The following CLEC1A variants were observed in gnomAD, a reference collection of about 807,000 sequenced individuals.
The protein encoded by CLEC1A is C-type lectin domain family 1 member A.
Under a neutral mutation model 28.7 loss-of-function variants are expected in CLEC1A, and 34 were observed. The ratio of observed to expected loss-of-function variants is 1.18; its 90% confidence interval spans 0.90 to 1.57. The LOEUF (loss-of-function observed/expected upper bound fraction) is 1.57, where lower values mean the gene tolerates loss of function less well. CLEC1A is among the 40% of genes most tolerant of loss of function. The pLI is 0.00. For missense variants in CLEC1A, 385 were observed against 339.5 expected, an observed-to-expected ratio of 1.13 and a Z score of -1.05; for synonymous variants, 116 against 121.0, an observed-to-expected ratio of 0.96 and a Z score of 0.27.
At chr12:10,071,641 G>A (rs898637218) in intron 5 of CLEC1A, 128 bp from the exon 6 acceptor site, 67 of 698,172 alleles carry the variant, frequency 9.6e-5, no homozygotes, top group Admixed American at 7.3e-4. Context: ...GGAAACTGGG[G>A]TCATGTGCCT....
intron 5 of CLEC1A, 23 bp downstream of exon 5, chr12:10,073,270 C>T: frequency 5.8e-6 from 9 of 1,540,532 alleles, no homozygotes; most frequent in Non-Finnish European, 8.1e-6. Flanking sequence ...ATGCCTTTCC[C>T]ATAAAATATC....
chr12:10,097,728 C>A (rs2137379727), intron 1 of CLEC1A, among the ~76,000 whole-genome samples: 1 of 152,232 alleles, frequency 6.6e-6, no homozygotes, highest in Admixed American at 6.5e-5. Context: ...AAGTTATATA[C>A]AAGCTACTCA....
At chr12:10,077,235 A>G (rs2137335775) in intron 3 of CLEC1A, among the ~76,000 whole-genome samples, 1 of 152,354 alleles carries the variant, frequency 6.6e-6, no homozygotes, top group African/African-American at 2.4e-5. Flanking sequence ...TCAACTACCT[A>G]ATATTTGATA....
intron 1 of CLEC1A, among the ~76,000 whole-genome samples, chr12:10,096,340 C>T (rs1947775669): frequency 6.6e-6 from 1 of 152,134 alleles, no homozygotes; most frequent in Non-Finnish European, 1.5e-5. Context: ...TCACATGTAA[C>T]CAATCACCGA....
Position 10,071,435 on chromosome 12 carries a change from C to A in CLEC1A, c.741G>T (p.Lys247Asn). 6.2e-7 allele frequency: 1 copy of A among 1,613,964 alleles called. No individual in the cohort carries two copies. The part of the protein sequence containing the change: ...VAILNGMIFS[K>N]DCKELKRCVC... The stretch of plus-strand genomic sequence containing the variant: ...CACAACGCTTCAATTCTTTGCAGTC[C>A]TTTGAGAAGATCATCCCATTAAGGA... The change falls in exon 6 of 6, where the codon AAG becomes AAT. Residue 247 changes from lysine (K) to asparagine (N), a missense_variant. Physicochemically the swap from Lys to Asn is moderately conservative, Grantham distance 94. Coordinates refer to ENST00000315330, the MANE Select transcript of CLEC1A (RefSeq NM_016511.4).
In CLEC1A at chr12:10,069,892, C is replaced by A. The variant is rs909146346; in HGVS notation, c.*1441G>T. 6.6e-5 allele frequency: 10 copies of A among 152,214 alleles called. No homozygotes were observed. The highest frequency in any genetic ancestry group is 1.3e-4 in the Non-Finnish European group (9 of 68,038). The allele number at this position is 152,214 out of a possible 1,614,324, so 9.4% of individuals were successfully genotyped here. ...GAAAATGAGCACCAATGTGTTCTTT[C>A]TATCATATGATTGCTACTATACGTC... is the stretch of plus-strand genomic sequence containing the variant. On this transcript the variant is annotated 3_prime_UTR_variant, in exon 6 of 6. Transcript: ENST00000315330.
At chr12:10,097,485 T>A (rs1461854387) in intron 1 of CLEC1A, among the ~76,000 whole-genome samples, 3 of 152,216 alleles carry the variant, frequency 2.0e-5, no homozygotes. Context: ...TTGCCTAAGA[T>A]AACTATTTCC....
intron 1 of CLEC1A, 27 bp downstream of exon 1, chr12:10,098,781 C>T: frequency 2.0e-6 from 3 of 1,465,578 alleles, no homozygotes; most frequent in Non-Finnish European, 2.9e-6. Context: ...GGACTGTGGT[C>T]TATTTGGACT....
intron 2 of CLEC1A, among the ~76,000 whole-genome samples, chr12:10,085,732 A>C (rs1419664996): frequency 6.6e-6 from 1 of 152,216 alleles, no homozygotes; most frequent in African/African-American, 2.4e-5. Flanking sequence ...GGGGGACTTC[A>C]ATACTCCACT....
intron 2 of CLEC1A, 84 bp downstream of exon 2, chr12:10,089,040 A>G: frequency 9.2e-7 from 1 of 1,091,124 alleles, no homozygotes; most frequent in Non-Finnish European, 1.4e-6. Flanking sequence ...ATTAAAGTTT[A>G]AAAAACAAAT....
In CLEC1A at chr12:10,069,645, A is replaced by G. The variant is rs868474964; in HGVS notation, c.*1688T>C. 1 of 152,226 alleles carries G rather than the reference A, an allele frequency of 6.6e-6. No individual in the cohort carries two copies. Among genetic ancestry groups the G allele is most frequent in the Non-Finnish European group, 1.5e-5 (1 of 68,040 alleles). The allele number at this position is 152,226 out of a possible 1,614,324, so 9.4% of individuals were successfully genotyped here. ...CATATGCAGTGAAATAGGTTTCATG[A>G]AGTAAAGTGACTTGCCTAATAAGTA... On this transcript the variant is annotated 3_prime_UTR_variant, in exon 6 of 6. Transcript: ENST00000315330.
At chr12:10,074,904 C>T (rs1183944904) in intron 4 of CLEC1A, among the ~76,000 whole-genome samples, 2 of 152,078 alleles carry the variant, frequency 1.3e-5, no homozygotes, top group Non-Finnish European at 2.9e-5. Flanking sequence ...AAACAACGGC[C>T]ATACTATTTG....
chr12:10,097,533 C>T (rs1032711776), intron 1 of CLEC1A, among the ~76,000 whole-genome samples: 2 of 152,208 alleles, frequency 1.3e-5, no homozygotes, highest in Non-Finnish European at 2.9e-5. Flanking sequence ...GTAATCTCCA[C>T]TTCTACTGTT....
At chr12:10,090,444 G>C (rs1866592022) in intron 1 of CLEC1A, among the ~76,000 whole-genome samples, 1 of 152,084 alleles carries the variant, frequency 6.6e-6, no homozygotes. Flanking sequence ...TTTTGTTGGA[G>C]ATGAGGTTTC....
chr12:10,083,081 A>G (rs528129656), intron 2 of CLEC1A, among the ~76,000 whole-genome samples: 1 of 152,324 alleles, frequency 6.6e-6, no homozygotes, highest in South Asian at 2.1e-4. Context: ...GCCTGGTAGC[A>G]CCACTGGGTG....
At chr12:10,092,335 A>AT (rs1036563155) in intron 1 of CLEC1A, 4 of 266,462 alleles carry the variant, frequency 1.5e-5, no homozygotes, top group African/African-American at 9.4e-5. Flanking sequence ...ACATAGTGAG[A>AT]TCCCATCTCT....
intron 2 of CLEC1A, 119 bp from the exon 3 acceptor site, chr12:10,081,532 T>C (rs1866371389): frequency 1.5e-6 from 1 of 651,506 alleles, no homozygotes; most frequent in Non-Finnish European, 2.4e-6. Flanking sequence ...AGTTCTCATA[T>C]TGCCTATATT....
At chr12:10,079,346 C>A (rs1258903657) in intron 3 of CLEC1A, among the ~76,000 whole-genome samples, 2 of 152,146 alleles carry the variant, frequency 1.3e-5, no homozygotes, top group South Asian at 4.1e-4. Flanking sequence ...TGAGAACTGA[C>A]ATCTAACCAA....
At chr12:10,093,166 C>G (rs1947728546) in intron 1 of CLEC1A, among the ~76,000 whole-genome samples, 1 of 152,064 alleles carries the variant, frequency 6.6e-6, no homozygotes, top group Non-Finnish European at 1.5e-5. Context: ...ACTGAAGTCT[C>G]TCTCCAGGGA....
Sources: allele counts gnomAD v4.1 joint callset (sites outside exome capture counted in the v4.1 genomes callset), GRCh38; gene constraint gnomAD v4.1.1; transcripts MANE v1.5; gene names NCBI Gene and HGNC (gene_info 2026-07-23, HGNC 2026-07-21).